Variants in FNDC3A observed in about 807,000 individuals in gnomAD.
The protein encoded by FNDC3A is fibronectin type III domain containing 3A, also known as fibronectin type-III domain-containing protein 3A.
FNDC3A carries 32 observed loss-of-function variants against 148.9 expected under a neutral mutation model. The observed-to-expected ratio is 0.21, with a 90% CI of 0.16 to 0.29. The LOEUF is 0.29. Among genes scored for constraint, FNDC3A ranks in the 10% least tolerant of loss-of-function variants. The probability of loss-of-function intolerance (pLI) is 1.00; values close to 1 mark genes in which losing one functional copy is unlikely to be tolerated. For synonymous variants in FNDC3A, 472 were observed against 473.6 expected, an observed-to-expected ratio of 1.00 and a Z score of 0.04; for missense variants, 1,191 against 1,452.8, an observed-to-expected ratio of 0.82 and a Z score of 2.93.
chr13:49,146,186 A>C (rs186209834), intron 8 of FNDC3A: 1 of 392,408 alleles, frequency 2.5e-6, no homozygotes, highest in Non-Finnish European at 4.6e-6. Flanking sequence ...TCCCTAATAG[A>C]TGGTTCAGTA....
At chr13:49,085,971 C>T (rs7986232) in intron 3 of FNDC3A, among the ~76,000 whole-genome samples, 3,559 of 151,940 alleles carry the variant, frequency 0.023, 49 homozygotes, top group Middle Eastern at 0.051. Context: ...CAACCTCTGC[C>T]TCCTGAGTTC....
At chr13:49,027,233 G>C (rs988514275) in intron 2 of FNDC3A, among the ~76,000 whole-genome samples, 1 of 152,114 alleles carries the variant, frequency 6.6e-6, no homozygotes, top group Non-Finnish European at 1.5e-5. Context: ...AGGACGTTGA[G>C]TTTAAACTCA....
At chr13:48,997,892 G>A in intron 1 of FNDC3A, among the ~76,000 whole-genome samples, 1 of 150,640 alleles carries the variant, frequency 6.6e-6, no homozygotes, top group East Asian at 1.9e-4. Flanking sequence ...GTTTTGAGGT[G>A]TGTGCATTAA....
intron 2 of FNDC3A, among the ~76,000 whole-genome samples, chr13:49,034,070 A>G (rs1040820979): frequency 6.6e-6 from 1 of 152,146 alleles, no homozygotes; most frequent in African/African-American, 2.4e-5. Context: ...ATTATATTTT[A>G]GCATATTACC....
chr13:49,103,979 G>A (rs1029099387), intron 3 of FNDC3A, among the ~76,000 whole-genome samples: 2 of 151,948 alleles, frequency 1.3e-5, no homozygotes, highest in Non-Finnish European at 2.9e-5. Flanking sequence ...TGGACCAAGA[G>A]CAAAACTCCC....
chr13:49,115,790 C>A (rs1050530597), intron 4 of FNDC3A, among the ~76,000 whole-genome samples: 2 of 152,182 alleles, frequency 1.3e-5, no homozygotes, highest in African/African-American at 4.8e-5. Flanking sequence ...TTAATATAGT[C>A]TGCATTCTGT....
intron 4 of FNDC3A, among the ~76,000 whole-genome samples, chr13:49,127,762 G>A (rs1240546693): frequency 1.3e-5 from 2 of 151,990 alleles, no homozygotes; most frequent in Admixed American, 6.6e-5. Flanking sequence ...CTCTTCCCCT[G>A]AAAAAAACTT....
chr13:49,067,290 A>G (rs1005658183), intron 2 of FNDC3A, among the ~76,000 whole-genome samples: 1 of 152,220 alleles, frequency 6.6e-6, no homozygotes, highest in African/African-American at 2.4e-5. Context: ...TTGTCTATCA[A>G]CTAATAACAT....
At chr13:49,090,734 G>A (rs1432865851) in intron 3 of FNDC3A, among the ~76,000 whole-genome samples, 2 of 152,208 alleles carry the variant, frequency 1.3e-5, no homozygotes, top group African/African-American at 4.8e-5. Context: ...AGGCTCAGTG[G>A]CTCATGCCTG....
chr13:49,073,800 G>A (rs1030134401), intron 2 of FNDC3A, among the ~76,000 whole-genome samples: 1 of 140,970 alleles, frequency 7.1e-6, no homozygotes, highest in African/African-American at 2.6e-5. Flanking sequence ...TTATATATAT[G>A]TATATATATT....
chr13:49,000,572 A>T (rs896208877), intron 1 of FNDC3A, among the ~76,000 whole-genome samples: 3 of 152,192 alleles, frequency 2.0e-5, no homozygotes, highest in African/African-American at 7.2e-5. Flanking sequence ...CCCCTGAGAT[A>T]CTAGAATTTT....
intron 11 of FNDC3A, among the ~76,000 whole-genome samples, chr13:49,173,329 A>G (rs1369726895): frequency 1.3e-5 from 2 of 152,276 alleles, no homozygotes; most frequent in African/African-American, 4.8e-5. Flanking sequence ...ATTTAGAATT[A>G]GGAAACCTAT....
chr13:49,201,944 A>G lies in FNDC3A; in HGVS notation c.3132A>G (p.Lys1044=), dbSNP rs9316430. The change falls in exon 24 of 26, where the codon AAA becomes AAG. Residue 1044 remains lysine (K), a synonymous_variant. Coordinates refer to ENST00000492622, the MANE Select transcript of FNDC3A (RefSeq NM_001079673.2). ...LSQEYIFTTP[K]SVPAALKAPK... Reference sequence around the variant, plus strand: ...AAGAATATATTTTCACTACTCCAAAATCTGTCCCAGCTGCCTTGAAAGGTA... The same window carrying G: ...AAGAATATATTTTCACTACTCCAAAGTCTGTCCCAGCTGCCTTGAAAGGTA... 0.049 allele frequency: 77,742 copies of G among 1,577,132 alleles called. 2,487 individuals carry two copies. Among genetic ancestry groups the G allele is most frequent in the South Asian group, 0.13 (10,795 of 84,898 alleles).
In FNDC3A at chr13:49,183,733, CTG is replaced by C. The variant is rs563894050; in HGVS notation, c.1618-2228_1618-2227del. On this transcript the variant is annotated intron_variant, in intron 14 of 25. Coordinates refer to ENST00000492622, the MANE Select transcript of FNDC3A (RefSeq NM_001079673.2). ...GAAAACATCCTGAAAATCCATGTGACTGTGAGAGGACTGAGGAAGCCTGAGCA... is the reference window on the plus strand; with the variant it reads ...GAAAACATCCTGAAAATCCATGTGACTGAGAGGACTGAGGAAGCCTGAGCA... 1.2e-3 allele frequency among the ~76,000 whole-genome samples: 177 copies of C among 152,270 alleles called. 1 individual carries two copies. In the South Asian group the frequency reaches 0.013, roughly 11 times the overall value.
At chr13:49,137,447 C>T (rs1449725232) in intron 6 of FNDC3A, among the ~76,000 whole-genome samples, 2 of 152,156 alleles carry the variant, frequency 1.3e-5, no homozygotes, top group Non-Finnish European at 2.9e-5. Flanking sequence ...TGTGTTGAAG[C>T]GATTCTCGTG....
intron 1 of FNDC3A, among the ~76,000 whole-genome samples, chr13:48,988,372 C>T (rs1356150244): frequency 6.6e-6 from 1 of 152,186 alleles, no homozygotes; most frequent in Non-Finnish European, 1.5e-5. Context: ...GAAATGTCAA[C>T]ATCCAAGCCA....
At chr13:49,205,514 A>C (rs999050849) in intron 25 of FNDC3A, among the ~76,000 whole-genome samples, 9 of 152,106 alleles carry the variant, frequency 5.9e-5, no homozygotes, top group African/African-American at 2.2e-4. Flanking sequence ...TCGATATGAC[A>C]CTCAAAGGAA....
intron 14 of FNDC3A, among the ~76,000 whole-genome samples, chr13:49,181,954 TAAAG>T (rs540764875): frequency 7.8e-4 from 119 of 152,136 alleles, no homozygotes; most frequent in African/African-American, 2.6e-3. Context: ...ATTTAAATGA[TAAAG>T]AAGAATGAAA....
At chr13:49,012,866 G>A (rs1043816581) in intron 2 of FNDC3A, among the ~76,000 whole-genome samples, 9 of 135,664 alleles carry the variant, frequency 6.6e-5, no homozygotes, top group African/African-American at 1.1e-4. Flanking sequence ...TGGTGAGTTA[G>A]AAATACAGTT....
Sources: gnomAD v4.1 joint callset for allele counts (sites outside exome capture counted in the v4.1 genomes callset) on GRCh38, gnomAD v4.1.1 for gene constraint, MANE v1.5 for transcripts, NCBI Gene and HGNC (gene_info 2026-07-23, HGNC 2026-07-21) for gene names.